Variants in CSMD1 observed in about 807,000 individuals in gnomAD.
The protein encoded by CSMD1 is CUB and Sushi multiple domains 1, also known as CUB and sushi domain-containing protein 1.
A neutral mutation model predicts 417.5 loss-of-function variants in CSMD1; 213 were observed. The ratio of observed to expected loss-of-function variants is 0.51; its 90% confidence interval spans 0.46 to 0.57. CSMD1 has a LOEUF of 0.57. CSMD1 is among the 20% of genes least tolerant of loss of function. The pLI is 0.00. For missense variants in CSMD1, 6,923 were observed against 4,529.7 expected (o/e 1.53, Z -15.17); for synonymous variants, 2,862 against 1,736.8 (o/e 1.65, Z -16.11).
Position 3,617,262 on chromosome 8 carries a change from C to G in CSMD1, c.1010-465G>C, listed in dbSNP as rs558733390. Among the ~76,000 whole-genome samples the G allele has an allele frequency of 5.9e-5, 9 of 152,270 alleles. No individual in the cohort carries two copies. In the South Asian group the frequency reaches 1.7e-3, roughly 28 times the overall value. On this transcript the variant is annotated intron_variant, in intron 7 of 69. Coordinates refer to ENST00000635120, the MANE Select transcript of CSMD1 (RefSeq NM_033225.6). ...TATGTATATTTTAAACATTGAAGTG[C>G]TTATCATTGAACTAAAACCCATAAT...
intron 1 of CSMD1, among the ~76,000 whole-genome samples, chr8:4,803,023 G>T (rs189021391): frequency 6.6e-6 from 1 of 152,056 alleles, no homozygotes; most frequent in Admixed American, 6.6e-5. Flanking sequence ...ATATCATTTG[G>T]TTTTCTCCGG....
intron 3 of CSMD1, among the ~76,000 whole-genome samples, chr8:4,413,698 C>T (rs1453818959): frequency 6.6e-6 from 1 of 152,074 alleles, no homozygotes; most frequent in Non-Finnish European, 1.5e-5. Context: ...TGAGTATTTT[C>T]CAATGTCATT....
intron 57 of CSMD1, among the ~76,000 whole-genome samples, chr8:2,971,071 T>C (rs1804416013): frequency 6.6e-6 from 1 of 152,222 alleles, no homozygotes; most frequent in South Asian, 2.1e-4. Flanking sequence ...AATATATCAG[T>C]ATGTATTTCC....
At chr8:4,089,061 G>A (rs187394795) in intron 3 of CSMD1, among the ~76,000 whole-genome samples, 35 of 152,260 alleles carry the variant, frequency 2.3e-4, no homozygotes, top group African/African-American at 7.9e-4. Flanking sequence ...TGGTCTTGCC[G>A]CCAGAGCTTC....
chr8:3,220,204 C>T (rs1798120973), intron 28 of CSMD1, among the ~76,000 whole-genome samples: 1 of 151,452 alleles, frequency 6.6e-6, no homozygotes, highest in South Asian at 2.1e-4. Context: ...ATTAATAGCC[C>T]CTACAATGCC....
At chr8:4,143,873 T>C (rs1431451173) in intron 3 of CSMD1, among the ~76,000 whole-genome samples, 2 of 151,186 alleles carry the variant, frequency 1.3e-5, no homozygotes, top group African/African-American at 2.5e-5. Context: ...TTACCCCTTA[T>C]CTGGATGAAG....
intron 10 of CSMD1, among the ~76,000 whole-genome samples, chr8:3,537,514 G>A (rs1798254763): frequency 6.6e-6 from 1 of 152,190 alleles, no homozygotes; most frequent in Non-Finnish European, 1.5e-5. Flanking sequence ...GTTCATAAAT[G>A]TTTGGACAAA....
chr8:3,847,902 C>A (rs904031512), intron 5 of CSMD1, among the ~76,000 whole-genome samples: 1 of 152,162 alleles, frequency 6.6e-6, no homozygotes, highest in Admixed American at 6.5e-5. Context: ...TATCCGTTTT[C>A]TCTCCTTATA....
chr8:2,978,256 C>T (rs779094129), intron 55 of CSMD1, among the ~76,000 whole-genome samples: 36 of 152,216 alleles, frequency 2.4e-4, no homozygotes, highest in Non-Finnish European at 3.5e-4. Context: ...AGACGCCTGG[C>T]GGGGAGGTCC....
intron 3 of CSMD1, among the ~76,000 whole-genome samples, chr8:4,109,334 T>C (rs1801732368): frequency 6.6e-6 from 1 of 152,174 alleles, no homozygotes; most frequent in African/African-American, 2.4e-5. Flanking sequence ...AGCTGAGCTA[T>C]CATTTTCACG....
At chr8:3,520,916 A>C (rs1797481166) in intron 10 of CSMD1, among the ~76,000 whole-genome samples, 1 of 152,072 alleles carries the variant, frequency 6.6e-6, no homozygotes, top group Admixed American at 6.6e-5. Flanking sequence ...ACTGAGCTTC[A>C]ACATTTGGGA....
At chr8:3,778,360 G>A (rs562207457) in intron 5 of CSMD1, among the ~76,000 whole-genome samples, 16 of 152,286 alleles carry the variant, frequency 1.1e-4, no homozygotes, top group South Asian at 1.0e-3. Flanking sequence ...CAGCTGTCTG[G>A]AATCATTTCG....
Position 2,973,072 on chromosome 8 carries a change from T to A in CSMD1, c.8923+45A>T, listed in dbSNP as rs776091904. 1.9e-6 allele frequency: 3 copies of A among 1,578,730 alleles called. No individual in the cohort carries two copies. The South Asian group carries it at 3.4e-5, about 18-fold the overall frequency. On this transcript the variant is annotated intron_variant, in intron 57 of 69. Transcript: ENST00000635120. ...GCCAGGCATTTTAGAACGAGCTGTGTGGTTTTAACTTTCAAGGTGGACCTT... is the reference window on the plus strand; with the variant it reads ...GCCAGGCATTTTAGAACGAGCTGTGAGGTTTTAACTTTCAAGGTGGACCTT...
chr8:3,749,216 G>A (rs1354181704), intron 6 of CSMD1, among the ~76,000 whole-genome samples: 2 of 152,082 alleles, frequency 1.3e-5, no homozygotes, highest in East Asian at 1.9e-4. Flanking sequence ...TAAAGAATGG[G>A]CTCAATTTTC....
At chr8:3,504,811 T>A (rs1485115934) in intron 10 of CSMD1, among the ~76,000 whole-genome samples, 1 of 152,044 alleles carries the variant, frequency 6.6e-6, no homozygotes, top group Non-Finnish European at 1.5e-5. Flanking sequence ...AGGAGTAAGG[T>A]GAGATTCATT....
intron 21 of CSMD1, among the ~76,000 whole-genome samples, chr8:3,357,436 G>A (rs763794686): frequency 6.6e-6 from 1 of 152,216 alleles, no homozygotes; most frequent in Non-Finnish European, 1.5e-5. Flanking sequence ...TACATGGAAG[G>A]AGCCTGAAGC....
intron 1 of CSMD1, among the ~76,000 whole-genome samples, chr8:4,929,194 G>A (rs539591481): frequency 3.3e-5 from 5 of 152,278 alleles, no homozygotes; most frequent in African/African-American, 1.2e-4. Context: ...AGGGAACAGA[G>A]CACGAGGGGA....
intron 3 of CSMD1, among the ~76,000 whole-genome samples, chr8:4,181,123 G>C (rs978959427): frequency 1.3e-5 from 2 of 152,246 alleles, no homozygotes; most frequent in East Asian, 3.9e-4. Context: ...CCAATTCCAA[G>C]TGCTGCGAAA....
At chr8:3,712,922 C>T (rs1801611274) in intron 6 of CSMD1, among the ~76,000 whole-genome samples, 2 of 152,132 alleles carry the variant, frequency 1.3e-5, no homozygotes, top group South Asian at 2.1e-4. Context: ...TCAAGAGATC[C>T]CTGATACATC....
Sources: gnomAD v4.1 joint callset for allele counts (sites outside exome capture counted in the v4.1 genomes callset) on GRCh38, gnomAD v4.1.1 for gene constraint, MANE v1.5 for transcripts, NCBI Gene and HGNC (gene_info 2026-07-23, HGNC 2026-07-21) for gene names.